Variants in NSD1 observed in about 807,000 individuals in gnomAD.
NSD1 encodes the protein histone-lysine N-methyltransferase, H3 lysine-36 specific.
NSD1 carries 26 observed loss-of-function variants against 242.7 expected under a neutral mutation model. The observed-to-expected ratio is 0.11, with a 90% CI of 0.08 to 0.15. The LOEUF (loss-of-function observed/expected upper bound fraction) is 0.15. Among genes scored for constraint, NSD1 ranks in the 10% least tolerant of loss-of-function variants. The pLI is 1.00. For missense variants in NSD1, 2,495 were observed against 3,272.8 expected, an observed-to-expected ratio of 0.76 and a Z score of 5.80; for synonymous variants, 1,106 against 1,178.1, an observed-to-expected ratio of 0.94 and a Z score of 1.25.
chr5:177,166,235 T>A (rs181841754), intron 2 of NSD1, among the ~76,000 whole-genome samples: 7 of 151,958 alleles, frequency 4.6e-5, no homozygotes, highest in Non-Finnish European at 1.0e-4. Context: ...TTCTTGATAA[T>A]TTTCTTTGCT....
At chr5:177,133,439 G>A (rs957948431), upstream of NSD1, among the ~76,000 whole-genome samples, 3 of 151,836 alleles carry the variant, frequency 2.0e-5, no homozygotes, top group Non-Finnish European at 2.9e-5. The surrounding 1 kb of genome is among the most constrained non-coding windows in gnomAD (Gnocchi z 6.2). Context: ...CACGACGCCC[G>A]CAGGCCCCGA....
intron 2 of NSD1, among the ~76,000 whole-genome samples, chr5:177,156,974 A>G (rs986594976): frequency 7.2e-5 from 11 of 152,018 alleles, no homozygotes; most frequent in African/African-American, 2.7e-4. Context: ...CTGTCTCTAA[A>G]TAAATAAATA....
At chr5:177,141,464 G>A (rs1756813411) in intron 2 of NSD1, among the ~76,000 whole-genome samples, 1 of 150,618 alleles carries the variant, frequency 6.6e-6, no homozygotes, top group South Asian at 2.1e-4. Context: ...CCAAGTAGCT[G>A]GGATTGCAGG....
At chr5:177,191,058 C>T (rs1761650891) in intron 2 of NSD1, among the ~76,000 whole-genome samples, 1 of 151,140 alleles carries the variant, frequency 6.6e-6, no homozygotes, top group South Asian at 2.1e-4. Context: ...CCTCCGCCTC[C>T]AGGGTTCAAG....
chr5:177,295,914 G>C lies in NSD1; in HGVS notation c.*455G>C. 1 of 363,438 alleles carries C rather than the reference G, an allele frequency of 2.8e-6. No homozygotes were observed. The allele number at this position is 363,438 out of a possible 1,614,324, so 22.5% of individuals were successfully genotyped here. On this transcript the variant is annotated 3_prime_UTR_variant, in exon 23 of 23. Transcript: ENST00000439151. This position sits in a 1 kb window ranked among gnomAD's most constrained non-coding sequence, Gnocchi z 4.3. Reference sequence around the variant, plus strand: ...CAGTGGCGATTTCCTGAGCATTCACGTGTTCTAGGCCGGGTGCTAGTCACT... The same window carrying C: ...CAGTGGCGATTTCCTGAGCATTCACCTGTTCTAGGCCGGGTGCTAGTCACT...
At chr5:177,136,904 G>T in intron 2 of NSD1, 1 of 700,596 alleles carries the variant, frequency 1.4e-6, no homozygotes, top group South Asian at 1.5e-5. Context: ...CCAGGCTGGC[G>T]TCGGGACTCC....
At chr5:177,255,082 A>AT (rs373897627) in intron 12 of NSD1, among the ~76,000 whole-genome samples, 5 of 152,226 alleles carry the variant, frequency 3.3e-5, no homozygotes, top group Non-Finnish European at 4.4e-5. Context: ...AGGTGGGCGG[A>AT]TTTTTTAAGG....
At position 177,257,232 on chromosome 5, in the gene NSD1, T is replaced by C. The variant is rs6872392; in HGVS notation, c.4966+81T>C. ...CAGATATTTTCTTTTTTCTTTCTTT[T>C]TTTTTTTTTTTTTTTGGAGACAGAG... On this transcript the variant is annotated intron_variant, in intron 13 of 22. Coordinates refer to ENST00000439151, the MANE Select transcript of NSD1 (RefSeq NM_022455.5). 32,263 of 923,264 alleles carry C rather than the reference T, an allele frequency of 0.035. 1,051 individuals are homozygous for C. Among genetic ancestry groups the C allele is most frequent in the African/African-American group, 0.21 (11,523 of 54,806 alleles). The allele number at this position is 923,264 out of a possible 1,614,324, so 57.2% of individuals were successfully genotyped here. A position where few individuals can be genotyped will look rare whatever the true frequency, so the allele number is the denominator to read the frequency against.
chr5:177,259,206 TGAG>T (rs1373523248), intron 13 of NSD1, among the ~76,000 whole-genome samples: 1 of 152,212 alleles, frequency 6.6e-6, no homozygotes, highest in Admixed American at 6.5e-5. Context: ...CATAGAGGAT[TGAG>T]GAGGTAAAAT....
intron 2 of NSD1, among the ~76,000 whole-genome samples, chr5:177,188,599 A>C (rs989823832): frequency 6.6e-6 from 1 of 152,206 alleles, no homozygotes; most frequent in Non-Finnish European, 1.5e-5. Flanking sequence ...CCTAGTTTAT[A>C]ATGGATCATA....
At chr5:177,198,635 G>A (rs1466972985) in intron 3 of NSD1, among the ~76,000 whole-genome samples, 1 of 152,016 alleles carries the variant, frequency 6.6e-6, no homozygotes, top group East Asian at 1.9e-4. Flanking sequence ...CAACATATGG[G>A]GGGGTCAAGG....
Position 177,135,406 on chromosome 5 carries a change from A to G in NSD1, c.303A>G (p.Glu101=). Residue 101 remains glutamate (E), a synonymous_variant, in exon 2 of 23, where the codon GAA becomes GAG. Transcript: ENST00000439151. ...ADGSESFQDP[E]KSDSRAQTPI... is the part of the protein sequence containing the mutation. ...GATCAGAATCCTTTCAAGACCCTGA[A>G]AAAAGTGATTCAAGAGCTCAGACGC... The G allele has an allele frequency of 6.2e-7, 1 of 1,613,628 alleles. No individual in the cohort carries two copies. Among genetic ancestry groups the G allele is most frequent in the Non-Finnish European group, 8.5e-7 (1 of 1,179,758 alleles).
chr5:177,186,050 T>C (rs571604821), intron 2 of NSD1, among the ~76,000 whole-genome samples: 102 of 105,000 alleles, frequency 9.7e-4, no homozygotes, highest in African/African-American at 4.0e-3. Context: ...ATATAATATA[T>C]AATATAACAT....
intron 4 of NSD1, among the ~76,000 whole-genome samples, chr5:177,208,800 A>G (rs1318395793): frequency 6.6e-6 from 1 of 151,832 alleles, no homozygotes; most frequent in Non-Finnish European, 1.5e-5. Flanking sequence ...GGTGCTAGTG[A>G]TTCTCCTGCC....
intron 5 of NSD1, among the ~76,000 whole-genome samples, chr5:177,226,915 T>G (rs2149872676): frequency 6.6e-6 from 1 of 152,324 alleles, no homozygotes; most frequent in Admixed American, 6.5e-5. Flanking sequence ...CTTTGGTTGT[T>G]TGGAATTTCC....
At position 177,295,137 on chromosome 5, in the gene NSD1, C is replaced by T; in HGVS notation, c.7769C>T (p.Pro2590Leu). The change falls in exon 23 of 23, where the codon CCT becomes CTT. Residue 2590 changes from proline to leucine, a missense_variant. Physicochemically the swap from Pro to Leu is moderately conservative, Grantham distance 98 (BLOSUM62 -3). Coordinates refer to ENST00000439151, the MANE Select transcript of NSD1 (RefSeq NM_022455.5). This position sits in a 1 kb window ranked among gnomAD's most constrained non-coding sequence, Gnocchi z 4.3. ...CAGATGGTCGGAGGCCAGCAACTAC[C>T]TGCACTTGCCGCCAAGAGTGGGCAA... ...AKQMVGGQQL[P>L]ALAAKSGQSF... 1 of 1,613,976 alleles carries T rather than the reference C, an allele frequency of 6.2e-7. No individual in the cohort carries two copies. Among genetic ancestry groups the T allele is most frequent in the Non-Finnish European group, 8.5e-7 (1 of 1,179,862 alleles).
At chr5:177,257,231 T>C (rs966405625) in intron 13 of NSD1, 80 bp downstream of exon 13, 4 of 738,450 alleles carry the variant, frequency 5.4e-6, no homozygotes, top group South Asian at 2.5e-5. Flanking sequence ...TTTCTTTCTT[T>C]TTTTTTTTTT....
At chr5:177,224,572 A>G (rs1426034022) in intron 5 of NSD1, among the ~76,000 whole-genome samples, 1 of 151,720 alleles carries the variant, frequency 6.6e-6, no homozygotes, top group Non-Finnish European at 1.5e-5. Flanking sequence ...GTTAATTAAT[A>G]GAATTGATTA....
intron 16 of NSD1, among the ~76,000 whole-genome samples, chr5:177,272,815 C>T (rs1023775182): frequency 2.0e-5 from 3 of 151,876 alleles, no homozygotes; most frequent in Non-Finnish European, 4.4e-5. Context: ...CCCATAAGGT[C>T]GAGGCTGCAG....
Sources: allele counts gnomAD v4.1 joint callset (sites outside exome capture counted in the v4.1 genomes callset), GRCh38; gene constraint gnomAD v4.1.1; non-coding constraint Gnocchi (gnomAD v3.1); transcripts MANE v1.5; gene names NCBI Gene and HGNC (gene_info 2026-07-23, HGNC 2026-07-21).